The following SLTM variants were observed in gnomAD, a reference collection of about 807,000 sequenced individuals.
SLTM encodes SAFB like transcription modulator, also known as SAFB-like transcription modulator.
SLTM carries 43 observed loss-of-function variants against 134.6 expected under a neutral mutation model. The ratio of observed to expected loss-of-function variants is 0.32; its 90% CI spans 0.25 to 0.41. The LOEUF is 0.41. Ranked by LOEUF, SLTM falls within the 10% of genes least tolerant of loss-of-function variation. The probability of loss-of-function intolerance (pLI) is 1.00; values close to 1 mark genes in which losing one functional copy is unlikely to be tolerated. For missense variants in SLTM, 1,055 were observed against 1,288.8 expected, an observed-to-expected ratio of 0.82 and a Z score of 2.78; for synonymous variants, 424 against 432.3, an observed-to-expected ratio of 0.98 and a Z score of 0.24.
At chr15:58,926,318 T>C (rs775109022) in intron 2 of SLTM, among the ~76,000 whole-genome samples, 5 of 152,144 alleles carry the variant, frequency 3.3e-5, no homozygotes, top group South Asian at 2.1e-4. Flanking sequence ...CAAAACACCA[T>C]GTATGGTGTG....
In SLTM at chr15:58,924,729, T is replaced by C. The variant is rs536894740; in HGVS notation, c.250+7627A>G. ...TTTATAAGGGTTTGCAATTTTCCTT[T>C]TCCTCCAAAGGCAAACTAGTCCCTA... On this transcript the variant is annotated intron_variant, in intron 2 of 20. Coordinates refer to ENST00000380516, the MANE Select transcript of SLTM (RefSeq NM_024755.4). Among the ~76,000 whole-genome samples the C allele has an allele frequency of 1.2e-4, 19 of 152,336 alleles. No individual in the cohort carries two copies. The South Asian group carries it at 3.7e-3, about 30-fold the overall frequency.
At chr15:58,902,736 T>C (rs1448523806) in intron 5 of SLTM, among the ~76,000 whole-genome samples, 1 of 151,260 alleles carries the variant, frequency 6.6e-6, no homozygotes, top group Non-Finnish European at 1.5e-5. Flanking sequence ...CTTGTTTTTT[T>C]TTTTTGAGAC....
intron 2 of SLTM, among the ~76,000 whole-genome samples, chr15:58,922,878 G>A (rs543011646): frequency 4.0e-5 from 6 of 151,750 alleles, no homozygotes; most frequent in African/African-American, 1.4e-4. Context: ...ACCACATCCA[G>A]CTAATTTTTG....
chr15:58,913,474 G>GT, intron 4 of SLTM, 25 bp downstream of exon 4: 1 of 1,560,836 alleles, frequency 6.4e-7, no homozygotes, highest in South Asian at 1.2e-5. Flanking sequence ...TCTGTGTCAT[G>GT]TTTTAAAAAA....
chr15:58,883,289 T>C (rs1461505532), intron 20 of SLTM, among the ~76,000 whole-genome samples: 2 of 152,198 alleles, frequency 1.3e-5, no homozygotes, highest in African/African-American at 2.4e-5. Context: ...CAGTCCAGCA[T>C]GGGCGACAGA....
At chr15:58,883,943 C>A (rs1411655437) in intron 19 of SLTM, among the ~76,000 whole-genome samples, 157 bp from the exon 20 acceptor site, 2 of 151,778 alleles carry the variant, frequency 1.3e-5, no homozygotes, top group Non-Finnish European at 2.9e-5. Context: ...ACTAAAAATA[C>A]AAAAAATTAG....
intron 2 of SLTM, among the ~76,000 whole-genome samples, chr15:58,930,358 G>C (rs1458401717): frequency 6.9e-6 from 1 of 144,668 alleles, no homozygotes; most frequent in Non-Finnish European, 1.5e-5. Context: ...TCGAATTCCC[G>C]ACCGCAGGTG....
At chr15:58,924,597 G>A (rs1449705538) in intron 2 of SLTM, among the ~76,000 whole-genome samples, 1 of 152,122 alleles carries the variant, frequency 6.6e-6, no homozygotes, top group East Asian at 1.9e-4. Flanking sequence ...AATAACTTTT[G>A]CCACCAAACT....
rs1341454565 is a variant in SLTM at position 58,887,015 on chromosome 15, C to G, written c.2795G>C (p.Gly932Ala). Residue 932 changes from glycine (G) to alanine (A), a missense_variant, in exon 19 of 21, where the codon GGA becomes GCA. This residue lies in a region of SLTM where 776 missense variants were observed against 962.2 expected (regional missense o/e 0.81). Transcript: ENST00000380516. ...TCGGTCTGTGATGACTCCTCTGTCTCCCTCTCTGCTCCCGTACCCCGAAGC... is the reference window on the plus strand; with the variant it reads ...TCGGTCTGTGATGACTCCTCTGTCTGCCTCTCTGCTCCCGTACCCCGAAGC... The part of the protein sequence containing the change: ...SSASGYGSRE[G>A]DRGVITDRGG... 6.2e-7 allele frequency: 1 copy of G among 1,613,046 alleles called. No individual in the cohort carries two copies. Among genetic ancestry groups the G allele is most frequent in the Non-Finnish European group, 8.5e-7 (1 of 1,180,016 alleles).
At chr15:58,891,696 C>G (rs147120890) in intron 14 of SLTM, among the ~76,000 whole-genome samples, 4 of 152,226 alleles carry the variant, frequency 2.6e-5, no homozygotes, top group Non-Finnish European at 5.9e-5. Flanking sequence ...TTAAGTCATG[C>G]CTAAACCTTC....
intron 20 of SLTM, among the ~76,000 whole-genome samples, chr15:58,880,922 C>G (rs1252042640): frequency 1.3e-5 from 2 of 152,102 alleles, no homozygotes; most frequent in African/African-American, 4.8e-5. Flanking sequence ...AGCTTGTGAA[C>G]TAAATTATAG....
intron 5 of SLTM, among the ~76,000 whole-genome samples, chr15:58,902,782 G>T (rs1432757416): frequency 6.6e-6 from 1 of 150,426 alleles, no homozygotes; most frequent in East Asian, 2.0e-4. Flanking sequence ...GGAGTGCAGT[G>T]GCATGATCTC....
chr15:58,900,072 A>AC, intron 6 of SLTM, 135 bp from the exon 7 acceptor site: 1 of 657,378 alleles, frequency 1.5e-6, no homozygotes. Flanking sequence ...AAAAAAAAAA[A>AC]CACAAGGGTA....
At chr15:58,924,814 C>G (rs1335368618) in intron 2 of SLTM, among the ~76,000 whole-genome samples, 1 of 152,096 alleles carries the variant, frequency 6.6e-6, no homozygotes, top group Non-Finnish European at 1.5e-5. Context: ...AAACAAATCC[C>G]ACTTAATAAT....
At position 58,899,670 on chromosome 15, in the gene SLTM, A is replaced by C. The variant is rs1437986693; in HGVS notation, c.857T>G (p.Ile286Ser). Reference sequence around the variant, plus strand: ...GCTTTCCTTCTCCGGGCTCTGTGCAATGGCGTCCTGCCCATCTTTTGGCTT... The same window carrying C: ...GCTTTCCTTCTCCGGGCTCTGTGCACTGGCGTCCTGCCCATCTTTTGGCTT... ...ASKPKDGQDA[I>S]AQSPEKESKD... is the part of the protein sequence containing the mutation. Residue 286 changes from isoleucine (I) to serine (S), a missense_variant, in exon 7 of 21, where the codon ATT becomes AGT. Physicochemically the swap from Ile to Ser is moderately radical, Grantham distance 142 (BLOSUM62 -2). Coordinates refer to ENST00000380516, the MANE Select transcript of SLTM (RefSeq NM_024755.4). This position sits in a 1 kb window ranked among gnomAD's most constrained non-coding sequence, Gnocchi z 5.0. The C allele has an allele frequency of 6.2e-7, 1 of 1,614,138 alleles. No individual in the cohort carries two copies. The highest frequency in any genetic ancestry group is 2.2e-5 in the East Asian group (1 of 44,880).
intron 20 of SLTM, among the ~76,000 whole-genome samples, chr15:58,880,393 C>A (rs767494699): frequency 8.5e-5 from 13 of 152,096 alleles, no homozygotes; most frequent in Non-Finnish European, 1.5e-4. Context: ...TGGATCTGCA[C>A]GTGGACTACA....
chr15:58,883,700 T>A lies in SLTM; in HGVS notation c.2922A>T (p.Gln974His). Residue 974 changes from glutamine to histidine, a missense_variant, in exon 20 of 21, where the codon CAA becomes CAT. Physicochemically the swap from Gln to His is conservative, Grantham distance 24. Around this residue, in one of 3 missense-constraint regions of SLTM, gnomAD observed 776 missense variants for 962.2 expected, o/e 0.81. Transcript: ENST00000380516. ...PRKEWHGPPS[Q>H]GPSYHDTRRM... ...GCCTCGTATCATGATAGCTAGGCCC[T>A]TGAGAGGGTGGACCATGCCACTCTT... The A allele has an allele frequency of 6.2e-7, 1 of 1,614,034 alleles. No individual in the cohort carries two copies. Among genetic ancestry groups the A allele is most frequent in the Non-Finnish European group, 8.5e-7 (1 of 1,180,000 alleles).
chr15:58,900,937 G>A (rs1386469849), intron 6 of SLTM: 3 of 259,232 alleles, frequency 1.2e-5, no homozygotes, highest in Admixed American at 1.1e-4. Context: ...ATGAGTTACT[G>A]CAGTGTCAGT....
At chr15:58,922,641 A>G (rs1377804433) in intron 2 of SLTM, among the ~76,000 whole-genome samples, 3 of 147,208 alleles carry the variant, frequency 2.0e-5, no homozygotes, top group African/African-American at 7.4e-5. Flanking sequence ...AATATATATT[A>G]TATATTATAT....
Sources: allele counts gnomAD v4.1 joint callset (sites outside exome capture counted in the v4.1 genomes callset), GRCh38; gene constraint gnomAD v4.1.1; regional missense constraint gnomAD v4.1.1; non-coding constraint Gnocchi (gnomAD v3.1); transcripts MANE v1.5; gene names NCBI Gene and HGNC (gene_info 2026-07-23, HGNC 2026-07-21).